The following TCTN2 variants were observed in gnomAD, a reference collection of about 807,000 sequenced individuals.
TCTN2 encodes tectonic family member 2.
A neutral mutation model predicts 83.4 loss-of-function variants in TCTN2; 66 were observed. The ratio of observed to expected loss-of-function variants is 0.79; its 90% CI spans 0.65 to 0.97. The LOEUF (loss-of-function observed/expected upper bound fraction) is 0.97. Ranked by LOEUF, TCTN2 falls within the 50% of genes least tolerant of loss-of-function variation. The pLI is 0.00. For synonymous variants in TCTN2, 301 were observed against 326.7 expected, an observed-to-expected ratio of 0.92 and a Z score of 0.85; for missense variants, 794 against 858.1, an observed-to-expected ratio of 0.93 and a Z score of 0.93.
chr12:123,692,564 C>A, intron 8 of TCTN2, 94 bp from the exon 9 acceptor site: 1 of 1,049,778 alleles, frequency 9.5e-7, no homozygotes, highest in Non-Finnish European at 1.5e-6. Context: ...CAGTTGCGGT[C>A]ACCATATTTG....
intron 5 of TCTN2, among the ~76,000 whole-genome samples, chr12:123,686,361 G>C (rs185383278): frequency 6.6e-6 from 1 of 152,188 alleles, no homozygotes; most frequent in East Asian, 1.9e-4. Context: ...GCAATTTCTT[G>C]ATGACATTAA....
rs1956250153 is a variant in TCTN2 at position 123,707,869 on chromosome 12, C to T, written c.*156C>T. ...GGGATTACAGGCATGCACCACCACGCCCGGCTAATTTTGTATTTTTAGTAG... is the reference window on the plus strand; with the variant it reads ...GGGATTACAGGCATGCACCACCACGTCCGGCTAATTTTGTATTTTTAGTAG... On this transcript the variant is annotated 3_prime_UTR_variant, in exon 18 of 18. Transcript: ENST00000303372. 6.0e-6 allele frequency: 4 copies of T among 663,700 alleles called. No homozygotes were observed. The highest frequency in any genetic ancestry group is 4.9e-5 in the South Asian group (3 of 61,380). The allele number at this position is 663,700 out of a possible 1,614,324, so 41.1% of individuals were successfully genotyped here.
Position 123,692,694 on chromosome 12 carries a change from C to T in TCTN2, c.1070C>T (p.Thr357Ile). ...VTPKVIYEEATDLDKFITNTE... is the reference protein window; with the variant it reads ...VTPKVIYEEAIDLDKFITNTE... ...CCAAAAGTGATCTATGAGGAAGCAA[C>T]TGACCTAGACAAATTCATCACCAAT... The change falls in exon 9 of 18, where the codon ACT becomes ATT. Residue 357 changes from threonine to isoleucine, a missense_variant. Physicochemically the swap from Thr to Ile is moderately conservative, Grantham distance 89 (BLOSUM62 -1). Coordinates refer to ENST00000303372, the MANE Select transcript of TCTN2 (RefSeq NM_024809.5). 6.2e-7 allele frequency: 1 copy of T among 1,613,766 alleles called. No individual in the cohort carries two copies. The highest frequency in any genetic ancestry group is 1.1e-5 in the South Asian group (1 of 91,074).
At chr12:123,686,807 C>T (rs745603310) in intron 5 of TCTN2, 29 bp from the exon 6 acceptor site, 2 of 1,611,940 alleles carry the variant, frequency 1.2e-6, no homozygotes, top group Non-Finnish European at 1.7e-6. Context: ...ACCACGGTCA[C>T]AGCTCCTGCC....
intron 13 of TCTN2, among the ~76,000 whole-genome samples, chr12:123,698,706 C>T (rs1956138613): frequency 6.6e-6 from 1 of 152,182 alleles, no homozygotes; most frequent in Non-Finnish European, 1.5e-5. Context: ...GCTGGGGTTA[C>T]AAGCATGAAC....
At position 123,671,154 on chromosome 12, in the gene TCTN2, AG is replaced by A; in HGVS notation, c.-86del. On this transcript the variant is annotated 5_prime_UTR_variant, in exon 1 of 18. In the 5' UTR this introduces an upstream ATG that the reference lacks. Transcript: ENST00000303372. The stretch of plus-strand genomic sequence containing the variant: ...GCTTGCAAGATGGCGGCGGCGGGGC[AG>A]TGGCTGCTGCGTTTTCGTGTCTGAG... 1 of 1,287,578 alleles carries A rather than the reference AG, an allele frequency of 7.8e-7. No individual in the cohort carries two copies. The highest frequency in any genetic ancestry group is 1.1e-6 in the Non-Finnish European group (1 of 915,204). The allele number at this position is 1,287,578 out of a possible 1,614,324, so 79.8% of individuals were successfully genotyped here. A position where few individuals can be genotyped will look rare whatever the true frequency, so the allele number is the denominator to read the frequency against.
At chr12:123,696,812 C>G in intron 12 of TCTN2, 1 of 528,612 alleles carries the variant, frequency 1.9e-6, no homozygotes. Flanking sequence ...AAAATAACTT[C>G]GTTCTGAACT....
At position 123,695,098 on chromosome 12, in the gene TCTN2, G is replaced by C; in HGVS notation, c.1234+122G>C. The C allele has an allele frequency of 3.4e-6, 5 of 1,454,554 alleles. No homozygotes were observed. The South Asian group carries it at 5.9e-5, about 17-fold the overall frequency. 90.1% of individuals were successfully genotyped at this position (1,454,554 alleles called of 1,614,324 possible). A position where few individuals can be genotyped will look rare whatever the true frequency, so the allele number is the denominator to read the frequency against. On this transcript the variant is annotated intron_variant, in intron 10 of 17. Coordinates refer to ENST00000303372, the MANE Select transcript of TCTN2 (RefSeq NM_024809.5). ...GGACTTGTTTCTTATGTGCATTTAT[G>C]ATTTAATTAACGAGAGTACACTTTG... is the stretch of plus-strand genomic sequence containing the variant.
At chr12:123,690,493 GA>G in intron 7 of TCTN2, 39 bp from the exon 8 acceptor site, 1 of 1,613,976 alleles carries the variant, frequency 6.2e-7, no homozygotes. Context: ...ATGATTAGGA[GA>G]GAGGCCATAA....
At position 123,695,342 on chromosome 12, in the gene TCTN2, AGTT is replaced by A. The variant is rs1956095208; in HGVS notation, c.1312+46_1312+48del. The A allele has an allele frequency of 4.8e-6, 6 of 1,262,228 alleles. No individual in the cohort carries two copies. The East Asian group carries it at 1.4e-4, about 29-fold the overall frequency. The allele number at this position is 1,262,228 out of a possible 1,614,324, so 78.2% of individuals were successfully genotyped here. ...GTCATTGATCTTACAAACATACTTTAGTTCAACACTCCCAGCCATCAGGATGGT... is the reference window on the plus strand; with the variant it reads ...GTCATTGATCTTACAAACATACTTTACAACACTCCCAGCCATCAGGATGGT... On this transcript the variant is annotated intron_variant, in intron 11 of 17. Transcript: ENST00000303372.
chr12:123,694,653 A>T (rs183581671), intron 9 of TCTN2, among the ~76,000 whole-genome samples, 189 bp from the exon 10 acceptor site: 1 of 152,312 alleles, frequency 6.6e-6, no homozygotes, highest in East Asian at 1.9e-4. Context: ...GAGGCAGCTA[A>T]TGCTGACTTG....
At position 123,706,707 on chromosome 12, in the gene TCTN2, T is replaced by C. The variant is rs1265120193; in HGVS notation, c.1770-19T>C. 6.2e-7 allele frequency: 1 copy of C among 1,613,862 alleles called. No homozygotes were observed. The highest frequency in any genetic ancestry group is 1.3e-5 in the African/African-American group (1 of 75,030). On this transcript the variant is annotated intron_variant, in intron 15 of 17. Transcript: ENST00000303372. ...AACTGAATGGTGGCTATGCTGACCATGTGATCTTTCCCTCCTAGGTTCTCC... is the reference window on the plus strand; with the variant it reads ...AACTGAATGGTGGCTATGCTGACCACGTGATCTTTCCCTCCTAGGTTCTCC...
intron 4 of TCTN2, among the ~76,000 whole-genome samples, chr12:123,678,390 T>C (rs930581610): frequency 6.6e-6 from 1 of 152,254 alleles, no homozygotes. Flanking sequence ...TTATTTTGGA[T>C]ACGTTGGGTT....
At chr12:123,679,977 G>A (rs1955876258) in intron 5 of TCTN2, among the ~76,000 whole-genome samples, 1 of 150,338 alleles carries the variant, frequency 6.7e-6, no homozygotes, top group African/African-American at 2.4e-5. Context: ...CTGACCTCGT[G>A]ATCCGCCCGC....
Position 123,699,750 on chromosome 12 carries a change from G to A in TCTN2, c.1552G>A (p.Val518Ile), listed in dbSNP as rs147469128. ...TGATTCATTAATACAAGCGACTCAC[G>A]TTGCAATGAGAGGCAACTCCGATTA... Reference protein sequence around the residue: ...RLDSLIQATHVAMRGNSDYAD... With the variant: ...RLDSLIQATHIAMRGNSDYAD... Residue 518 changes from valine (V) to isoleucine (I), a missense_variant, in exon 14 of 18, where the codon GTT becomes ATT. Val to Ile is a conservative substitution (Grantham distance 29, BLOSUM62 3). Transcript: ENST00000303372. 174 of 1,614,188 alleles carry A rather than the reference G, an allele frequency of 1.1e-4. No individual in the cohort carries two copies. The highest frequency in any genetic ancestry group is 6.9e-4 in the South Asian group (63 of 91,090).
chr12:123,690,213 T>C (rs1956024784), intron 7 of TCTN2, among the ~76,000 whole-genome samples: 1 of 152,206 alleles, frequency 6.6e-6, no homozygotes, highest in African/African-American at 2.4e-5. Flanking sequence ...GGTATTAAAC[T>C]CTGGTTGTGA....
intron 11 of TCTN2, 82 bp from the exon 12 acceptor site, chr12:123,696,332 GC>G: frequency 8.7e-7 from 1 of 1,147,648 alleles, no homozygotes; most frequent in Non-Finnish European, 1.3e-6. Flanking sequence ...CTTTCCTTGT[GC>G]ATGACTCTTG....
chr12:123,683,442 G>A (rs1955924378), intron 5 of TCTN2, among the ~76,000 whole-genome samples: 1 of 151,488 alleles, frequency 6.6e-6, no homozygotes, highest in Non-Finnish European at 1.5e-5. Context: ...ACCATGCCCA[G>A]CTAATTTTTT....
In TCTN2 at chr12:123,690,742, G is replaced by A. The variant is rs141520458; in HGVS notation, c.1033+68G>A. ...GAATATAAAGTATGATCTCATGAGA[G>A]TATAAATCATTTCTACTGGTTCAAC... On this transcript the variant is annotated intron_variant, in intron 8 of 17. Coordinates refer to ENST00000303372, the MANE Select transcript of TCTN2 (RefSeq NM_024809.5). 379 of 1,580,008 alleles carry A rather than the reference G, an allele frequency of 2.4e-4. 6 individuals carry two copies. The East Asian group carries it at 8.5e-3, about 35-fold the overall frequency.
Sources: allele counts gnomAD v4.1 joint callset (sites outside exome capture counted in the v4.1 genomes callset), GRCh38; gene constraint gnomAD v4.1.1; transcripts MANE v1.5; gene names NCBI Gene and HGNC (gene_info 2026-07-23, HGNC 2026-07-21).